Variants in CNTN4 observed in about 807,000 individuals in gnomAD.
The protein encoded by CNTN4 is contactin-4.
CNTN4 carries 77 observed loss-of-function variants against 122.5 expected under a neutral mutation model. The ratio of observed to expected loss-of-function variants is 0.63; its 90% confidence interval spans 0.52 to 0.76. The LOEUF is 0.76. Among genes scored for constraint, CNTN4 ranks in the 30% least tolerant of loss-of-function variants. The probability of loss-of-function intolerance (pLI) is 0.00; values close to 1 mark genes in which losing one functional copy is unlikely to be tolerated. For synonymous variants in CNTN4, 512 were observed against 447.0 expected, an observed-to-expected ratio of 1.15 and a Z score of -1.83; for missense variants, 1,256 against 1,259.1, an observed-to-expected ratio of 1.00 and a Z score of 0.04.
At chr3:2,256,723 A>C (rs2040607192) in intron 2 of CNTN4, among the ~76,000 whole-genome samples, 1 of 152,194 alleles carries the variant, frequency 6.6e-6, no homozygotes, top group African/African-American at 2.4e-5. Flanking sequence ...CTAGGAATAC[A>C]ACTTAAAAGG....
At chr3:2,261,985 T>C (rs2040850871) in intron 2 of CNTN4, among the ~76,000 whole-genome samples, 1 of 152,186 alleles carries the variant, frequency 6.6e-6, no homozygotes, top group Non-Finnish European at 1.5e-5. Context: ...ACATTGTCTC[T>C]ACTTATTACC....
chr3:2,727,371 G>A (rs905715772), intron 4 of CNTN4, among the ~76,000 whole-genome samples: 2 of 152,136 alleles, frequency 1.3e-5, no homozygotes, highest in African/African-American at 4.8e-5. Flanking sequence ...ATCAGTTCAG[G>A]TCAGTTTTTG....
chr3:2,712,228 C>A (rs187302195), intron 4 of CNTN4, among the ~76,000 whole-genome samples: 1 of 152,142 alleles, frequency 6.6e-6, no homozygotes, highest in African/African-American at 2.4e-5. Context: ...CCAAAAGTAT[C>A]TGTTAAAGAG....
rs57712177 is a variant in CNTN4 at position 2,969,516 on chromosome 3, G to GATTATTATTATTATTATTATTATT, written c.1359-18828_1359-18805dup. ...ACATGATTTCCCAAAGGAAAATTGG[G>GATTATTATTATTATTATTATTATT]ATTATTATTATTATTATTATTATTC... On this transcript the variant is annotated intron_variant, in intron 13 of 24. Transcript: ENST00000418658. Among the ~76,000 whole-genome samples the GATTATTATTATTATTATTATTATT allele has an allele frequency of 1.8e-3, 224 of 121,458 alleles. 1 individual carries two copies. Among genetic ancestry groups the GATTATTATTATTATTATTATTATT allele is most frequent in the East Asian group, 3.2e-3 (16 of 4,956 alleles). 79.7% of individuals were successfully genotyped at this position (121,458 alleles called of 152,430 possible).
At chr3:2,460,010 G>A (rs375540273) in intron 3 of CNTN4, among the ~76,000 whole-genome samples, 1 of 151,952 alleles carries the variant, frequency 6.6e-6, no homozygotes, top group Non-Finnish European at 1.5e-5. Context: ...ATTGCTGCTG[G>A]GTCAGAGTTG....
At chr3:2,790,930 G>A (rs1371779459) in intron 6 of CNTN4, among the ~76,000 whole-genome samples, 1 of 152,104 alleles carries the variant, frequency 6.6e-6, no homozygotes, top group Non-Finnish European at 1.5e-5. Context: ...GTTTAGATAA[G>A]GTTCAAATGA....
intron 2 of CNTN4, among the ~76,000 whole-genome samples, chr3:2,181,359 G>A (rs1282681370): frequency 2.6e-5 from 4 of 152,082 alleles, no homozygotes; most frequent in African/African-American, 9.7e-5. Flanking sequence ...TCAGTGATAA[G>A]TGATGTATAA....
intron 2 of CNTN4, among the ~76,000 whole-genome samples, chr3:2,173,034 C>A (rs544123547): frequency 2.6e-5 from 4 of 152,168 alleles, no homozygotes; most frequent in Non-Finnish European, 5.9e-5. Flanking sequence ...TGATATCAGT[C>A]ATCACACAGA....
chr3:2,659,389 G>A (rs374451197), intron 4 of CNTN4, among the ~76,000 whole-genome samples: 13 of 149,746 alleles, frequency 8.7e-5, no homozygotes, highest in African/African-American at 2.7e-4. Context: ...TTGAACCCAG[G>A]AGGTGGAGGT....
At position 2,733,532 on chromosome 3, in the gene CNTN4, G is replaced by GTTTTTTT. The variant is rs1201306391; in HGVS notation, c.56-2670_56-2664dup. ...TTTTTTTTTTAAAGTGCATGTTTGT[G>GTTTTTTT]TTTTTTTTTTTTTTTTTTTGAGACA... is the stretch of plus-strand genomic sequence containing the variant. On this transcript the variant is annotated intron_variant, in intron 4 of 24. Transcript: ENST00000418658. Among the ~76,000 whole-genome samples the GTTTTTTT allele has an allele frequency of 6.4e-4, 77 of 120,514 alleles. 1 individual carries two copies. Among genetic ancestry groups the GTTTTTTT allele is most frequent in the African/African-American group, 2.1e-3 (60 of 29,030 alleles). The allele number at this position is 120,514 out of a possible 152,430, so 79.1% of individuals were successfully genotyped here.
intron 2 of CNTN4, among the ~76,000 whole-genome samples, chr3:2,180,565 G>T (rs2036970609): frequency 6.6e-6 from 1 of 151,992 alleles, no homozygotes; most frequent in African/African-American, 2.4e-5. Flanking sequence ...GAAAGTTACT[G>T]ATTAGTTTGA....
intron 8 of CNTN4, among the ~76,000 whole-genome samples, chr3:2,877,274 T>C (rs2150935871): frequency 6.6e-6 from 1 of 152,332 alleles, no homozygotes; most frequent in East Asian, 1.9e-4. Flanking sequence ...ATTATTGGTG[T>C]CAAATGAATA....
intron 2 of CNTN4, among the ~76,000 whole-genome samples, chr3:2,174,839 A>G (rs1031449174): frequency 1.3e-5 from 2 of 152,178 alleles, no homozygotes; most frequent in African/African-American, 4.8e-5. Flanking sequence ...GGCACATCAC[A>G]TGGCAAAAGC....
intron 4 of CNTN4, among the ~76,000 whole-genome samples, chr3:2,710,034 A>G (rs1276625088): frequency 6.6e-6 from 1 of 152,214 alleles, no homozygotes; most frequent in Non-Finnish European, 1.5e-5. Context: ...TTTCCTCTTG[A>G]AAAGGCACTG....
chr3:2,395,704 GT>G (rs1282664129), intron 3 of CNTN4, among the ~76,000 whole-genome samples: 4 of 151,998 alleles, frequency 2.6e-5, no homozygotes, highest in Admixed American at 2.6e-4. Flanking sequence ...GTGGTATTTG[GT>G]TTTTCTGTTC....
At chr3:2,869,135 G>A (rs1005507015) in intron 8 of CNTN4, among the ~76,000 whole-genome samples, 3 of 152,158 alleles carry the variant, frequency 2.0e-5, no homozygotes, top group Admixed American at 2.0e-4. Context: ...AGAAATAGGA[G>A]AAATTAGCAG....
chr3:2,843,427 A>G (rs76375999), intron 7 of CNTN4, among the ~76,000 whole-genome samples: 11,941 of 152,054 alleles, frequency 0.079, 537 homozygotes, highest in Non-Finnish European at 0.11. Flanking sequence ...CCCTCCTTCT[A>G]TTCCTGTTTC....
At chr3:2,206,236 G>A (rs1437368525) in intron 2 of CNTN4, among the ~76,000 whole-genome samples, 1 of 152,050 alleles carries the variant, frequency 6.6e-6, no homozygotes, top group Non-Finnish European at 1.5e-5. Context: ...ATCAAAGTTA[G>A]GGTCAAAGCT....
intron 2 of CNTN4, among the ~76,000 whole-genome samples, chr3:2,186,896 G>A (rs1036701392): frequency 6.6e-6 from 1 of 152,074 alleles, no homozygotes; most frequent in African/African-American, 2.4e-5. Context: ...CTCTGATGGT[G>A]ATTTCTTTTG....
Sources: gnomAD v4.1 joint callset for allele counts (sites outside exome capture counted in the v4.1 genomes callset) on GRCh38, gnomAD v4.1.1 for gene constraint, MANE v1.5 for transcripts, NCBI Gene and HGNC (gene_info 2026-07-23, HGNC 2026-07-21) for gene names.